Variants in RNF215 observed in about 807,000 individuals in gnomAD.
RNF215 encodes the protein ring finger protein 215.
Under a neutral mutation model 44.8 loss-of-function variants are expected in RNF215, and 41 were observed. The observed-to-expected ratio is 0.92, with a 90% CI of 0.71 to 1.19. The LOEUF (loss-of-function observed/expected upper bound fraction) is 1.19, where lower values mean the gene tolerates loss of function less well. Among genes scored for constraint, RNF215 ranks in the 50% most tolerant of loss-of-function variants. The pLI is 0.00. For missense variants in RNF215, 452 were observed against 496.2 expected (o/e 0.91, Z 0.85); for synonymous variants, 218 against 230.1 (o/e 0.95, Z 0.48).
chr22:30,379,619 T>C lies in RNF215; in HGVS notation c.1115A>G (p.Asn372Ser), dbSNP rs1569198076. Residue 372 changes from asparagine to serine, a missense_variant, in exon 9 of 9, where the codon AAC becomes AGC. Transcript: ENST00000382363. ...CPLCKFNVLG[N>S]RYSDD Reference sequence around the variant, plus strand: ...GGGCAGCTAATCATCGGAGTAGCGGTTCCCTGCAGGGGAGGGGAAGAAGAA... The same window carrying C: ...GGGCAGCTAATCATCGGAGTAGCGGCTCCCTGCAGGGGAGGGGAAGAAGAA... 1 of 1,551,336 alleles carries C rather than the reference T, an allele frequency of 6.4e-7. No homozygotes were observed. The highest frequency in any genetic ancestry group is 1.4e-5 in the African/African-American group (1 of 73,158).
At chr22:30,381,710 C>G (rs1933532080) in intron 5 of RNF215, among the ~76,000 whole-genome samples, 1 of 152,188 alleles carries the variant, frequency 6.6e-6, no homozygotes, top group Non-Finnish European at 1.5e-5. Context: ...GAAGAGGCCA[C>G]CGCTCTAGAC....
chr22:30,386,915 G>A, intron 1 of RNF215, 114 bp downstream of exon 1: 1 of 1,482,170 alleles, frequency 6.7e-7, no homozygotes, highest in South Asian at 1.3e-5. Context: ...CTGGGGAGGG[G>A]CGCTGGACTC....
At chr22:30,383,889 T>C (rs1019758084) in intron 5 of RNF215, among the ~76,000 whole-genome samples, 2 of 152,048 alleles carry the variant, frequency 1.3e-5, no homozygotes, top group African/African-American at 4.8e-5. Context: ...CTAGCTAGAC[T>C]AGGACGTGTG....
At position 30,386,777 on chromosome 22, in the gene RNF215, A is replaced by C; in HGVS notation, c.286-18T>G. The C allele has an allele frequency of 6.3e-7, 1 of 1,598,444 alleles. No homozygotes were observed. Among genetic ancestry groups the C allele is most frequent in the South Asian group, 1.1e-5 (1 of 90,686 alleles). On this transcript the variant is annotated intron_variant, in intron 1 of 8. Transcript: ENST00000382363. The stretch of plus-strand genomic sequence containing the variant: ...ATGTCCATCTGTGTGGCAAGGGGCC[A>C]TGAGCAGAGGGAGGTAGGGTGTGGT...
chr22:30,380,425 G>A lies in RNF215; in HGVS notation c.745-24C>T. The A allele has an allele frequency of 6.3e-7, 1 of 1,585,304 alleles. No individual in the cohort carries two copies. The highest frequency in any genetic ancestry group is 8.6e-7 in the Non-Finnish European group (1 of 1,165,150). On this transcript the variant is annotated intron_variant, in intron 5 of 8. Coordinates refer to ENST00000382363, the MANE Select transcript of RNF215 (RefSeq NM_001017981.2). This position sits in a 1 kb window ranked among gnomAD's most constrained non-coding sequence, Gnocchi z 5.3. The stretch of plus-strand genomic sequence containing the variant: ...TTCTGGGGAGGGAAGCAGTCATCAG[G>A]GACATGGGGCCACCCCCACACGCCT...
chr22:30,379,548 CG>C lies in RNF215; in HGVS notation c.*51del. 1 of 1,544,256 alleles carries C rather than the reference CG, an allele frequency of 6.5e-7. No homozygotes were observed. The highest frequency in any genetic ancestry group is 8.7e-7 in the Non-Finnish European group (1 of 1,145,398). On this transcript the variant is annotated 3_prime_UTR_variant, in exon 9 of 9. Coordinates refer to ENST00000382363, the MANE Select transcript of RNF215 (RefSeq NM_001017981.2). ...TGTCCTGGGAGCCCAGGCTGAGGAC[CG>C]GGGTGCAGGCAGGAAGGGTCCATCC...
rs1933509730 is a variant in RNF215, at chr22:30,380,292, A to T, written c.854T>A (p.Leu285His). The T allele has an allele frequency of 6.2e-7, 1 of 1,610,610 alleles. No individual in the cohort carries two copies. Among genetic ancestry groups the T allele is most frequent in the Non-Finnish European group, 8.5e-7 (1 of 1,178,282 alleles). ...GGGGCTGGCTCCCACCTGGCCTCCG[A>T]GCTCCCGCTGGCTCTGCCGCGACGC... is the stretch of plus-strand genomic sequence containing the variant. ...RQASRQSQRE[L>H]GGQVDLFKRR... Residue 285 changes from leucine to histidine, a missense_variant, in exon 6 of 9, where the codon CTC (leucine) becomes CAC (histidine). By Grantham distance (99) the Leu-to-His change is moderately conservative. Transcript: ENST00000382363. This position sits in a 1 kb window ranked among gnomAD's most constrained non-coding sequence, Gnocchi z 5.3.
chr22:30,385,957 C>T lies in RNF215; in HGVS notation c.534G>A (p.Val178=). Residue 178 remains valine, a synonymous_variant, in exon 4 of 9, where the codon GTG becomes GTA. Coordinates refer to ENST00000382363, the MANE Select transcript of RNF215 (RefSeq NM_001017981.2). Reference sequence around the variant, plus strand: ...CATTGGAGGAATAATGGAGGACGATCACTGGCCTGAGCAGAAGCTGGGATA... The same window carrying T: ...CATTGGAGGAATAATGGAGGACGATTACTGGCCTGAGCAGAAGCTGGGATA... ...LDISQLLLRP[V]IVLHYSSNVT... is the part of the protein sequence containing the mutation. 6.2e-7 allele frequency: 1 copy of T among 1,614,144 alleles called. No homozygotes were observed.
chr22:30,384,153 C>A (rs1284008259), intron 5 of RNF215, among the ~76,000 whole-genome samples, 186 bp downstream of exon 5: 1 of 152,200 alleles, frequency 6.6e-6, no homozygotes. Context: ...TGTGACCTGG[C>A]CCAGGCGCCC....
chr22:30,379,552 G>A lies in RNF215; in HGVS notation c.*48C>T, dbSNP rs940992056. 3 of 1,545,896 alleles carry A rather than the reference G, an allele frequency of 1.9e-6. No homozygotes were observed. The highest frequency in any genetic ancestry group is 2.0e-5 in the Admixed American group (1 of 50,976). ...CTGGGAGCCCAGGCTGAGGACCGGG[G>A]TGCAGGCAGGAAGGGTCCATCCCCA... On this transcript the variant is annotated 3_prime_UTR_variant, in exon 9 of 9. Coordinates refer to ENST00000382363, the MANE Select transcript of RNF215 (RefSeq NM_001017981.2).
intron 5 of RNF215, 103 bp downstream of exon 5, chr22:30,384,236 G>A (rs2145985526): frequency 7.8e-7 from 1 of 1,287,432 alleles, no homozygotes; most frequent in African/African-American, 1.5e-5. Context: ...GGCCGTCCTT[G>A]TCACTAAGGT....
rs1933566818 is a variant in RNF215, at chr22:30,384,377, C to A, written c.706G>T (p.Asp236Tyr). ...CGACTGCCTCCAAGGCAGACCAAGT[C>A]CTGCCATCCTCCATAGCCATCCTTG... ...LSKDGYGGWQ[D>Y]LVCLGGSRAQ... Residue 236 changes from aspartate to tyrosine, a missense_variant, in exon 5 of 9, where the codon GAC becomes TAC. Coordinates refer to ENST00000382363, the MANE Select transcript of RNF215 (RefSeq NM_001017981.2). The A allele has an allele frequency of 6.2e-7, 1 of 1,614,044 alleles. No individual in the cohort carries two copies. Among genetic ancestry groups the A allele is most frequent in the African/African-American group, 1.3e-5 (1 of 75,056 alleles).
chr22:30,379,649 G>A, intron 8 of RNF215, 27 bp from the exon 9 acceptor site: 1 of 1,552,010 alleles, frequency 6.4e-7, no homozygotes, highest in Non-Finnish European at 8.7e-7. Context: ...GAAGAACAGG[G>A]AGAGAGGCAT....
Position 30,386,600 on chromosome 22 carries a change from T to C in RNF215, c.429+16A>G, listed in dbSNP as rs202014633. On this transcript the variant is annotated intron_variant, in intron 2 of 8. Transcript: ENST00000382363. ...TCCTTTCCTCCAGCCCCCTCCCCCA[T>C]AGACATCCCCTGCACCTGCTGGACC... 15 of 1,607,766 alleles carry C rather than the reference T, an allele frequency of 9.3e-6. No individual in the cohort carries two copies. Among genetic ancestry groups the C allele is most frequent in the African/African-American group, 4.0e-5 (3 of 74,940 alleles).
chr22:30,380,460 A>T lies in RNF215; in HGVS notation c.745-59T>A. The T allele has an allele frequency of 6.5e-7, 1 of 1,534,980 alleles. No homozygotes were observed. Among genetic ancestry groups the T allele is most frequent in the Non-Finnish European group, 8.8e-7 (1 of 1,140,228 alleles). ...CCACCCCCACACGCCTCCCTTAGGA[A>T]CATCTACCCCCAGGAACGCCAGGGA... is the stretch of plus-strand genomic sequence containing the variant. On this transcript the variant is annotated intron_variant, in intron 5 of 8. Transcript: ENST00000382363. The surrounding 1 kb of genome is among the most constrained non-coding windows in gnomAD (Gnocchi z 5.3).
chr22:30,384,769 T>G, intron 4 of RNF215: 3 of 342,736 alleles, frequency 8.8e-6, no homozygotes, highest in African/African-American at 2.1e-5. Flanking sequence ...TGGCACCTCC[T>G]TCCCATCCCC....
rs145981229 is a variant in RNF215, at chr22:30,381,770, G to A, written c.745-1369C>T. Among the ~76,000 whole-genome samples, 59 of 152,256 alleles carry A rather than the reference G, an allele frequency of 3.9e-4. 2 individuals carry two copies. The highest frequency in any genetic ancestry group is 1.3e-3 in the African/African-American group (56 of 41,550). On this transcript the variant is annotated intron_variant, in intron 5 of 8. Coordinates refer to ENST00000382363, the MANE Select transcript of RNF215 (RefSeq NM_001017981.2). The stretch of plus-strand genomic sequence containing the variant: ...AGCCATTGCTCTGCTCACAGTGGAG[G>A]TGCTCTGGGGGCCCTCACTGGGAAG...
chr22:30,379,680 T>C (rs752601820), intron 8 of RNF215, 31 bp downstream of exon 8: 2 of 1,551,732 alleles, frequency 1.3e-6, no homozygotes, highest in African/African-American at 2.7e-5. Flanking sequence ...GCAGGCAGAG[T>C]AGGCCGAGGG....
intron 5 of RNF215, among the ~76,000 whole-genome samples, chr22:30,382,485 A>G (rs1265212060): frequency 6.6e-6 from 1 of 151,862 alleles, no homozygotes; most frequent in South Asian, 2.1e-4. Context: ...AAATCCAGAG[A>G]TGATAAAACA....
Sources: gnomAD v4.1 joint callset for allele counts (sites outside exome capture counted in the v4.1 genomes callset) on GRCh38, gnomAD v4.1.1 for gene constraint, Gnocchi (gnomAD v3.1) non-coding constraint, MANE v1.5 for transcripts, NCBI Gene and HGNC (gene_info 2026-07-23, HGNC 2026-07-21) for gene names.